The following LRRTM4 variants were observed in gnomAD, a reference collection of about 807,000 sequenced individuals.
The protein encoded by LRRTM4 is leucine-rich repeat transmembrane neuronal protein 4.
In LRRTM4, 25 loss-of-function variants were observed where a neutral mutation model predicts 47.6. That is an observed-to-expected ratio of 0.53 (90% confidence interval 0.38 to 0.73). The LOEUF is 0.73. Ranked by LOEUF, LRRTM4 falls within the 30% of genes least tolerant of loss-of-function variation. LRRTM4 has a pLI of 0.00. For missense variants in LRRTM4, 638 were observed against 713.4 expected (o/e 0.89, Z 1.20); for synonymous variants, 311 against 269.5 (o/e 1.15, Z -1.51).
At chr2:76,943,079 A>G (rs901008972) in intron 3 of LRRTM4, among the ~76,000 whole-genome samples, 6 of 152,126 alleles carry the variant, frequency 3.9e-5, no homozygotes, top group African/African-American at 1.4e-4. Flanking sequence ...CTGTACATCA[A>G]CTCTACATCG....
At chr2:76,885,319 C>T (rs1673039032) in intron 3 of LRRTM4, among the ~76,000 whole-genome samples, 2 of 151,996 alleles carry the variant, frequency 1.3e-5, no homozygotes, top group Admixed American at 6.6e-5. Flanking sequence ...AACTGAAAGA[C>T]TGGGACCCTA....
At chr2:77,389,391 A>G (rs1163636725) in intron 3 of LRRTM4, among the ~76,000 whole-genome samples, 1 of 152,116 alleles carries the variant, frequency 6.6e-6, no homozygotes, top group Non-Finnish European at 1.5e-5. Flanking sequence ...ACCAAAGATA[A>G]AGCTAAATAA....
intron 3 of LRRTM4, among the ~76,000 whole-genome samples, chr2:76,863,069 G>C (rs2104016607): frequency 6.6e-6 from 1 of 152,262 alleles, no homozygotes; most frequent in South Asian, 2.1e-4. Flanking sequence ...AAACACGTCT[G>C]ACATTGAAGA....
chr2:76,797,197 G>A (rs959044229), intron 3 of LRRTM4, among the ~76,000 whole-genome samples: 4 of 152,048 alleles, frequency 2.6e-5, no homozygotes, highest in African/African-American at 7.2e-5. Flanking sequence ...AGGAAAAAAT[G>A]TTAAGGGCAG....
intron 3 of LRRTM4, among the ~76,000 whole-genome samples, chr2:77,476,435 G>A (rs548364389): frequency 7.2e-5 from 11 of 152,112 alleles, no homozygotes; most frequent in African/African-American, 2.6e-4. Flanking sequence ...TGCAACAAAA[G>A]CCATACATTG....
rs1005654295 is a variant in LRRTM4, at chr2:76,968,273, G to T, written c.1552-219357C>A. On this transcript the variant is annotated intron_variant, in intron 3 of 3. Coordinates refer to ENST00000409884, the MANE Select transcript of LRRTM4 (RefSeq NM_001134745.3). ...ATTCTTTTTAAAAAAAACAAATCTG[G>T]CAATGAGTCTAAAAATCTCACAATA... 2.9e-5 allele frequency among the ~76,000 whole-genome samples: 4 copies of T among 139,678 alleles called. No individual in the cohort carries two copies. The East Asian group carries it at 8.7e-4, about 30-fold the overall frequency. The allele number at this position is 139,678 out of a possible 152,430, so 91.6% of individuals were successfully genotyped here.
At chr2:77,376,323 A>G (rs994979894) in intron 3 of LRRTM4, among the ~76,000 whole-genome samples, 9 of 151,886 alleles carry the variant, frequency 5.9e-5, no homozygotes, top group African/African-American at 1.9e-4. Flanking sequence ...ATCTTTTCAC[A>G]AAACGATATT....
intron 3 of LRRTM4, among the ~76,000 whole-genome samples, chr2:77,269,508 A>G (rs1676136831): frequency 6.6e-6 from 1 of 152,210 alleles, no homozygotes; most frequent in African/African-American, 2.4e-5. Context: ...ATTATATGTC[A>G]TTATATAAAA....
At chr2:77,128,178 C>G (rs1440486487) in intron 3 of LRRTM4, among the ~76,000 whole-genome samples, 1 of 151,376 alleles carries the variant, frequency 6.6e-6, no homozygotes, top group Admixed American at 6.6e-5. Context: ...TGTTTTTAAG[C>G]CTCAGAAACA....
chr2:77,268,252 C>A (rs1676103741), intron 3 of LRRTM4, among the ~76,000 whole-genome samples: 1 of 150,956 alleles, frequency 6.6e-6, no homozygotes, highest in Non-Finnish European at 1.5e-5. Flanking sequence ...CATCGTATTC[C>A]CCTCCTTCTT....
chr2:76,964,598 G>A (rs1317487816), intron 3 of LRRTM4, among the ~76,000 whole-genome samples: 2 of 150,394 alleles, frequency 1.3e-5, no homozygotes, highest in South Asian at 2.1e-4. Context: ...ATAAAATTAT[G>A]GTTTTAGAAT....
intron 3 of LRRTM4, among the ~76,000 whole-genome samples, chr2:76,901,758 G>A (rs1241177933): frequency 6.6e-6 from 1 of 152,062 alleles, no homozygotes; most frequent in Non-Finnish European, 1.5e-5. Flanking sequence ...TTGAGTGGGG[G>A]TTCCGAGGTC....
At chr2:77,154,130 T>C (rs1349999866) in intron 3 of LRRTM4, among the ~76,000 whole-genome samples, 2 of 152,188 alleles carry the variant, frequency 1.3e-5, no homozygotes, top group Non-Finnish European at 2.9e-5. Flanking sequence ...TTGCGGATGC[T>C]TGAATTTATT....
chr2:76,959,720 G>A (rs139758025), intron 3 of LRRTM4, among the ~76,000 whole-genome samples: 1 of 151,776 alleles, frequency 6.6e-6, no homozygotes, highest in African/African-American at 2.4e-5. Flanking sequence ...GTGTGATGCA[G>A]CTCTTCCTCT....
intron 3 of LRRTM4, among the ~76,000 whole-genome samples, chr2:77,420,591 T>C (rs1284103747): frequency 4.0e-5 from 6 of 151,382 alleles, no homozygotes; most frequent in African/African-American, 1.2e-4. Context: ...CATACTGAAA[T>C]GGAAATGGAA....
At chr2:77,295,717 CCTTTCACGTTGA>C (rs1676954180) in intron 3 of LRRTM4, among the ~76,000 whole-genome samples, 1 of 152,146 alleles carries the variant, frequency 6.6e-6, no homozygotes, top group Non-Finnish European at 1.5e-5. Flanking sequence ...CCATCTCCTC[CCTTTCACGTTGA>C]CTTTCACGTT....
At chr2:77,448,981 A>C (rs1676155884) in intron 3 of LRRTM4, among the ~76,000 whole-genome samples, 1 of 152,200 alleles carries the variant, frequency 6.6e-6, no homozygotes, top group South Asian at 2.1e-4. Context: ...TCATAGGTAT[A>C]TCAGAAGTAT....
At chr2:77,161,775 T>C (rs1290551895) in intron 3 of LRRTM4, among the ~76,000 whole-genome samples, 1 of 152,030 alleles carries the variant, frequency 6.6e-6, no homozygotes, top group East Asian at 1.9e-4. Flanking sequence ...TCTGTGAAAA[T>C]GTCTTATTTA....
At chr2:76,956,168 G>A (rs533788994) in intron 3 of LRRTM4, among the ~76,000 whole-genome samples, 7 of 151,724 alleles carry the variant, frequency 4.6e-5, no homozygotes, top group East Asian at 2.0e-4. Flanking sequence ...AAGAATAGAG[G>A]TGCCTCCAGG....
Sources: gnomAD v4.1 joint callset for allele counts (sites outside exome capture counted in the v4.1 genomes callset) on GRCh38, gnomAD v4.1.1 for gene constraint, MANE v1.5 for transcripts, NCBI Gene and HGNC (gene_info 2026-07-23, HGNC 2026-07-21) for gene names.